Variants in SLC25A26 observed in about 807,000 individuals in gnomAD.
SLC25A26 encodes mitochondrial S-adenosylmethionine carrier protein.
Under a neutral mutation model 37.8 loss-of-function variants are expected in SLC25A26, and 36 were observed. The observed-to-expected ratio is 0.95, with a 90% CI of 0.73 to 1.26. The LOEUF (loss-of-function observed/expected upper bound fraction) is 1.26. SLC25A26 is among the 50% of genes most tolerant of loss of function. The pLI is 0.00. For missense variants in SLC25A26, 390 were observed against 331.1 expected (o/e 1.18, Z -1.38); for synonymous variants, 129 against 122.5 (o/e 1.05, Z -0.35).
chr3:66,220,916 T>TA (rs2071454604), upstream of SLC25A26: 4 of 689,552 alleles, frequency 5.8e-6, no homozygotes, highest in Non-Finnish European at 1.0e-5. Context: ...GCCCCTCCTC[T>TA]CTGGCCCTCC....
At chr3:66,279,655 T>A (rs917956368) in intron 5 of SLC25A26, among the ~76,000 whole-genome samples, 4 of 152,172 alleles carry the variant, frequency 2.6e-5, no homozygotes, top group African/African-American at 9.7e-5. Context: ...TTTTTTATAG[T>A]AGGAAGGAAT....
chr3:66,233,655 A>G (rs2072135728), intron 1 of SLC25A26, among the ~76,000 whole-genome samples: 1 of 152,158 alleles, frequency 6.6e-6, no homozygotes, highest in South Asian at 2.1e-4. Flanking sequence ...TGTGTGGATA[A>G]ATATATAGGT....
chr3:66,143,948 G>A (rs1007637362), intron 1 of SLC25A26, among the ~76,000 whole-genome samples: 1 of 152,138 alleles, frequency 6.6e-6, no homozygotes, highest in African/African-American at 2.4e-5. Context: ...GTCCTTCTAA[G>A]TAGGCACAGT....
chr3:66,267,626 A>C (rs762753826), intron 5 of SLC25A26, among the ~76,000 whole-genome samples: 1 of 152,160 alleles, frequency 6.6e-6, no homozygotes, highest in Non-Finnish European at 1.5e-5. Flanking sequence ...AATAACAAAT[A>C]ACTCCTGGTT....
At chr3:66,294,134 A>G (rs1221945678) in intron 5 of SLC25A26, among the ~76,000 whole-genome samples, 1 of 152,090 alleles carries the variant, frequency 6.6e-6, no homozygotes, top group Non-Finnish European at 1.5e-5. Flanking sequence ...CGTTTTCACA[A>G]TATTGATTCT....
intron 3 of SLC25A26, among the ~76,000 whole-genome samples, chr3:66,259,496 G>T (rs2073438069): frequency 6.6e-6 from 1 of 151,940 alleles, no homozygotes; most frequent in South Asian, 2.1e-4. Context: ...CTCATGTTTT[G>T]GGACCACCAT....
At chr3:66,168,355 T>C (rs1158779820) in intron 1 of SLC25A26, among the ~76,000 whole-genome samples, 1 of 151,944 alleles carries the variant, frequency 6.6e-6, no homozygotes, top group Non-Finnish European at 1.5e-5. Flanking sequence ...GAAAACTCTA[T>C]TGCTGTCCTC....
chr3:66,373,533 G>A (rs977406856), intron 9 of SLC25A26, among the ~76,000 whole-genome samples: 1 of 152,144 alleles, frequency 6.6e-6, no homozygotes, highest in South Asian at 2.1e-4. Context: ...GTCTCCCACA[G>A]CTCGGCATCT....
chr3:66,201,117 T>C (rs932497321), intron 1 of SLC25A26, among the ~76,000 whole-genome samples: 3 of 152,240 alleles, frequency 2.0e-5, no homozygotes, highest in Non-Finnish European at 4.4e-5. Flanking sequence ...TGCACTCCTT[T>C]TTCCTCCTTA....
At chr3:66,278,470 A>C (rs2074230699) in intron 5 of SLC25A26, among the ~76,000 whole-genome samples, 1 of 151,828 alleles carries the variant, frequency 6.6e-6, no homozygotes, top group Non-Finnish European at 1.5e-5. Flanking sequence ...TAACTGTTTT[A>C]TTTTTAGTTC....
At chr3:66,353,461 C>G (rs1022719668) in intron 6 of SLC25A26, among the ~76,000 whole-genome samples, 8 of 152,176 alleles carry the variant, frequency 5.3e-5, no homozygotes, top group Non-Finnish European at 1.2e-4. Context: ...GATTTGAACT[C>G]AGGTTCAGAT....
At chr3:66,327,835 CTG>C (rs1575572202) in intron 5 of SLC25A26, among the ~76,000 whole-genome samples, 2 of 150,264 alleles carry the variant, frequency 1.3e-5, no homozygotes, top group East Asian at 3.9e-4. Context: ...TTCACTTGTC[CTG>C]TGTTTTAATG....
intron 1 of SLC25A26, among the ~76,000 whole-genome samples, chr3:66,215,937 T>C (rs1287158985): frequency 6.6e-6 from 1 of 152,226 alleles, no homozygotes; most frequent in African/African-American, 2.4e-5. Flanking sequence ...GTCAAGGTAT[T>C]GGCAGATTCG....
At chr3:66,247,384 T>C (rs2072899475) in intron 3 of SLC25A26, among the ~76,000 whole-genome samples, 1 of 152,184 alleles carries the variant, frequency 6.6e-6, no homozygotes, top group South Asian at 2.1e-4. Flanking sequence ...TCATAGCTGC[T>C]GTAGCCTGTA....
chr3:66,134,755 A>G (rs1211821315), intron 1 of SLC25A26, among the ~76,000 whole-genome samples: 3 of 152,118 alleles, frequency 2.0e-5, no homozygotes, highest in Non-Finnish European at 2.9e-5. Flanking sequence ...TGATCAGGAC[A>G]CTGAGTTGGA....
intron 1 of SLC25A26, among the ~76,000 whole-genome samples, chr3:66,179,722 T>A (rs1400180076): frequency 1.3e-5 from 2 of 152,206 alleles, no homozygotes; most frequent in African/African-American, 4.8e-5. Context: ...ACTGGGCTTT[T>A]TTTTTTCTTG....
chr3:66,290,753 G>A (rs753445784), intron 5 of SLC25A26, among the ~76,000 whole-genome samples: 3 of 152,046 alleles, frequency 2.0e-5, no homozygotes, highest in African/African-American at 7.2e-5. Flanking sequence ...CATGTTCATC[G>A]GGGTTATTGG....
At chr3:66,234,313 A>G (rs559172237) in intron 1 of SLC25A26, among the ~76,000 whole-genome samples, 33 of 152,300 alleles carry the variant, frequency 2.2e-4, no homozygotes, top group East Asian at 2.1e-3. Context: ...AGTTTTGACA[A>G]TTGGCCTTTT....
At chr3:66,196,520 GTTTTGCTCTAGA>G (rs2071046253) in intron 1 of SLC25A26, among the ~76,000 whole-genome samples, 1 of 152,080 alleles carries the variant, frequency 6.6e-6, no homozygotes, top group East Asian at 1.9e-4. Context: ...GGAAGTGAGG[GTTTTGCTCTAGA>G]TTTGGTATTG....
Sources: gnomAD v4.1 joint callset for allele counts (sites outside exome capture counted in the v4.1 genomes callset) on GRCh38, gnomAD v4.1.1 for gene constraint, MANE v1.5 for transcripts, NCBI Gene and HGNC (gene_info 2026-07-23, HGNC 2026-07-21) for gene names.